SMARCA4: variants seen among roughly 807,000 people sequenced by gnomAD.
The protein encoded by SMARCA4 is SWI/SNF-related matrix-associated actin-dependent regulator of chromatin subfamily A member 4.
Under a neutral mutation model 193.9 loss-of-function variants are expected in SMARCA4, and 31 were observed. The observed-to-expected ratio is 0.16, with a 90% CI of 0.12 to 0.22. The LOEUF (loss-of-function observed/expected upper bound fraction) is 0.22, where lower values mean the gene tolerates loss of function less well. SMARCA4 is among the 10% of genes least tolerant of loss of function. The pLI is 1.00. For missense variants in SMARCA4, 1,148 were observed against 2,296.0 expected (o/e 0.50, Z 10.22); for synonymous variants, 942 against 933.1 (o/e 1.01, Z -0.17).
At chr19:10,998,970 A>G (rs2087355118) in intron 11 of SMARCA4, among the ~76,000 whole-genome samples, 1 of 149,338 alleles carries the variant, frequency 6.7e-6, no homozygotes, top group South Asian at 2.1e-4. Flanking sequence ...TGGTGCAATC[A>G]TGGCTCCCTG....
chr19:11,061,779 T>G lies in SMARCA4; in HGVS notation c.4912-5T>G. The G allele has an allele frequency of 6.2e-7, 1 of 1,613,606 alleles. No homozygotes were observed. Among genetic ancestry groups the G allele is most frequent in the African/African-American group, 1.3e-5 (1 of 75,026 alleles). On this transcript the variant is annotated splice_polypyrimidine_tract_variant and splice_region_variant and intron_variant, in intron 34 of 34. Coordinates refer to ENST00000344626, the MANE Select transcript of SMARCA4 (RefSeq NM_003072.5). ...GCACACTCTCTCCTCCTGTCCCCTC[T>G]CCAGGACCGCTCAGGAAGTGGCAGC...
intron 22 of SMARCA4, 66 bp from the exon 23 acceptor site, chr19:11,026,234 C>T (rs368943501): frequency 6.7e-5 from 84 of 1,258,600 alleles, no homozygotes; most frequent in Middle Eastern, 1.9e-4. Flanking sequence ...GCGGTGTGTG[C>T]GGACCGCAGC....
Position 11,058,824 on chromosome 19 carries a change from G to A in SMARCA4, c.4570G>A (p.Asp1524Asn), listed in dbSNP as rs2076693372. The A allele has an allele frequency of 6.2e-7, 1 of 1,614,102 alleles. No homozygotes were observed. Among genetic ancestry groups the A allele is most frequent in the East Asian group, 2.2e-5 (1 of 44,872 alleles). The change falls in exon 32 of 35, where the codon GAC becomes AAC. Residue 1524 changes from aspartate (D) to asparagine (N), a missense_variant. Physicochemically the swap from Asp to Asn is conservative, Grantham distance 23. This residue lies in a region of SMARCA4 where 141 missense variants were observed against 193.0 expected (regional missense o/e 0.73). Transcript: ENST00000344626. This position sits in a 1 kb window ranked among gnomAD's most constrained non-coding sequence, Gnocchi z 5.8. ...CAACCACAAGTACCGCAGCCTCAAC[G>A]ACCTAGAGAAGGACGTCATGCTCCT... ...IRNHKYRSLN[D>N]LEKDVMLLCQ...
chr19:11,019,322 A>T lies in SMARCA4; in HGVS notation c.2506-269A>T. Reference sequence around the variant, plus strand: ...AGAGGGGAGCCTGTCAGCCACCAGGAATGTGCAGATGGCGGTGCAGGCTGC... The same window carrying T: ...AGAGGGGAGCCTGTCAGCCACCAGGTATGTGCAGATGGCGGTGCAGGCTGC... On this transcript the variant is annotated intron_variant, in intron 17 of 34. Transcript: ENST00000344626. The surrounding 1 kb of genome is among the most constrained non-coding windows in gnomAD (Gnocchi z 6.1). The T allele has an allele frequency of 3.3e-6, 2 of 606,020 alleles. No individual in the cohort carries two copies. Among genetic ancestry groups the T allele is most frequent in the Non-Finnish European group, 2.9e-6 (1 of 339,628 alleles). The allele number at this position is 606,020 out of a possible 1,614,324, so 37.5% of individuals were successfully genotyped here.
At position 10,987,779 on chromosome 19, in the gene SMARCA4, G is replaced by A. The variant is rs1361910224; in HGVS notation, c.973G>A (p.Val325Met). 13 of 1,598,980 alleles carry A rather than the reference G, an allele frequency of 8.1e-6. No homozygotes were observed. The highest frequency in any genetic ancestry group is 1.7e-5 in the Admixed American group (1 of 58,338). ...TGCCGTCCCACCCGCCGCCTCGCCC[G>A]TGATGCCACCGCAGACCCAGTCCCC... ...PPAVPPAASP[V>M]MPPQTQSPGQ... The change falls in exon 6 of 35, where the codon GTG becomes ATG. Residue 325 changes from valine (V) to methionine (M), a missense_variant. This residue lies in a region of SMARCA4 where 257 missense variants were observed against 276.5 expected (regional missense o/e 0.93). Coordinates refer to ENST00000344626, the MANE Select transcript of SMARCA4 (RefSeq NM_003072.5). This position sits in a 1 kb window ranked among gnomAD's most constrained non-coding sequence, Gnocchi z 5.3.
chr19:11,039,738 C>T, intron 29 of SMARCA4: 1 of 392,462 alleles, frequency 2.5e-6, no homozygotes, highest in African/African-American at 2.1e-5. Flanking sequence ...CACTTGAGCC[C>T]AGGAGTTAAA....
chr19:11,016,545 A>G (rs1347157880), intron 16 of SMARCA4, among the ~76,000 whole-genome samples: 2 of 152,136 alleles, frequency 1.3e-5, no homozygotes, highest in Non-Finnish European at 2.9e-5. Flanking sequence ...GGTAATTATT[A>G]TATCAGTGTG....
rs2089691943 is a variant in SMARCA4 at position 11,019,744 on chromosome 19, C to T, written c.2616+43C>T. 3 of 1,389,228 alleles carry T rather than the reference C, an allele frequency of 2.2e-6. No homozygotes were observed. Among genetic ancestry groups the T allele is most frequent in the Non-Finnish European group, 3.1e-6 (3 of 980,370 alleles). 86.1% of individuals were successfully genotyped at this position (1,389,228 alleles called of 1,614,324 possible). A position where few individuals can be genotyped will look rare whatever the true frequency, so the allele number is the denominator to read the frequency against. On this transcript the variant is annotated intron_variant, in intron 18 of 34. Coordinates refer to ENST00000344626, the MANE Select transcript of SMARCA4 (RefSeq NM_003072.5). This position sits in a 1 kb window ranked among gnomAD's most constrained non-coding sequence, Gnocchi z 6.1. ...GAAATGCCAGGCCATGGGCCGAGTG[C>T]TCACACGTGGGTCACGCTGCCCGTC...
chr19:10,974,847 C>T (rs2084997279), intron 1 of SMARCA4, among the ~76,000 whole-genome samples: 1 of 148,348 alleles, frequency 6.7e-6, no homozygotes, highest in East Asian at 2.0e-4. Flanking sequence ...GCTGTGATTA[C>T]AGGTGCCCAC....
chr19:11,061,552 T>C (rs1258598163), intron 34 of SMARCA4, among the ~76,000 whole-genome samples: 1 of 151,994 alleles, frequency 6.6e-6, no homozygotes, highest in Non-Finnish European at 1.5e-5. Flanking sequence ...ATTTTTTGTA[T>C]TTTTTAGTAG....
intron 16 of SMARCA4, among the ~76,000 whole-genome samples, chr19:11,015,731 G>C (rs2068430575): frequency 6.6e-6 from 1 of 152,150 alleles, no homozygotes; most frequent in Admixed American, 6.6e-5. Flanking sequence ...GTTTAGCTGG[G>C]CGCGGTGGCT....
Position 11,019,289 on chromosome 19 carries a change from A to G in SMARCA4, c.2505+266A>G. ...GCCAGCTCAGGCGCCTGAGATGGGG[A>G]CCCAGGAAGAGGGGAGCCTGTCAGC... is the stretch of plus-strand genomic sequence containing the variant. On this transcript the variant is annotated intron_variant, in intron 17 of 34. Transcript: ENST00000344626. This position sits in a 1 kb window ranked among gnomAD's most constrained non-coding sequence, Gnocchi z 6.1. The G allele has an allele frequency of 4.9e-6, 3 of 608,444 alleles. No homozygotes were observed. Among genetic ancestry groups the G allele is most frequent in the Non-Finnish European group, 8.8e-6 (3 of 340,550 alleles). The allele number at this position is 608,444 out of a possible 1,614,324, so 37.7% of individuals were successfully genotyped here. A position where few individuals can be genotyped will look rare whatever the true frequency, so the allele number is the denominator to read the frequency against.
At chr19:10,988,271 C>T (rs2086246031) in intron 6 of SMARCA4, among the ~76,000 whole-genome samples, 1 of 152,154 alleles carries the variant, frequency 6.6e-6, no homozygotes, top group Non-Finnish European at 1.5e-5. Flanking sequence ...TAGGCATGCG[C>T]CACCACACCT....
chr19:10,995,467 A>G (rs564624380), intron 9 of SMARCA4: 1 of 457,620 alleles, frequency 2.2e-6, no homozygotes, highest in African/African-American at 2.0e-5. Flanking sequence ...AGATACGCGA[A>G]TGAAGCAAAC....
In SMARCA4 at chr19:11,019,027, G is replaced by A. The variant is rs745383210; in HGVS notation, c.2505+4G>A. ...CGTGGTGAAGGTGTCTTACAAGGTA[G>A]GTCACAGCCACTGAGGTTTCCTCTC... On this transcript the variant is annotated splice_donor_region_variant and intron_variant, in intron 17 of 34. Coordinates refer to ENST00000344626, the MANE Select transcript of SMARCA4 (RefSeq NM_003072.5). The surrounding 1 kb of genome is among the most constrained non-coding windows in gnomAD (Gnocchi z 6.1). 2.5e-6 allele frequency: 4 copies of A among 1,612,428 alleles called. No homozygotes were observed. The highest frequency in any genetic ancestry group is 3.4e-6 in the Non-Finnish European group (4 of 1,178,502).
At chr19:11,047,542 G>A (rs1489540723) in intron 30 of SMARCA4, 7 of 152,056 alleles carry the variant, frequency 4.6e-5, no homozygotes, top group Admixed American at 4.6e-4. Flanking sequence ...CTGAGCAACT[G>A]GGATTACAGG....
At position 10,984,888 on chromosome 19, in the gene SMARCA4, C is replaced by T. The variant is rs1206351683; in HGVS notation, c.223-385C>T. On this transcript the variant is annotated intron_variant, in intron 2 of 34. Coordinates refer to ENST00000344626, the MANE Select transcript of SMARCA4 (RefSeq NM_003072.5). The surrounding 1 kb of genome is among the most constrained non-coding windows in gnomAD (Gnocchi z 4.3). ...TCTTTATGGTCACAAGTCTCTTTTG[C>T]ATGTCCCTGGATGTGGTTAGAGGAC... 6.6e-6 allele frequency among the ~76,000 whole-genome samples: 1 copy of T among 152,174 alleles called. No homozygotes were observed. The highest frequency in any genetic ancestry group is 1.5e-5 in the Non-Finnish European group (1 of 68,030).
chr19:11,046,638 C>T (rs1471622062), intron 30 of SMARCA4, among the ~76,000 whole-genome samples: 2 of 152,162 alleles, frequency 1.3e-5, no homozygotes, highest in African/African-American at 4.8e-5. Context: ...TAGGGCACAT[C>T]AACTCAGGAA....
intron 1 of SMARCA4, among the ~76,000 whole-genome samples, chr19:10,967,881 T>A (rs1200009115): frequency 1.3e-5 from 2 of 150,858 alleles, no homozygotes; most frequent in African/African-American, 4.9e-5. Context: ...TTTTATTTAT[T>A]TATTTATTTT....
Sources: gnomAD v4.1 joint callset for allele counts (sites outside exome capture counted in the v4.1 genomes callset) on GRCh38, gnomAD v4.1.1 for gene constraint, gnomAD v4.1.1 regional missense constraint, Gnocchi (gnomAD v3.1) non-coding constraint, MANE v1.5 for transcripts, NCBI Gene and HGNC (gene_info 2026-07-23, HGNC 2026-07-21) for gene names.